CHM: variants seen among roughly 807,000 people sequenced by gnomAD.
The protein encoded by CHM is CHM Rab escort protein.
In CHM, 10 loss-of-function variants were observed where a neutral mutation model predicts 49.0. The ratio of observed to expected loss-of-function variants is 0.20; its 90% CI spans 0.13 to 0.35. The LOEUF (loss-of-function observed/expected upper bound fraction) is 0.35, where lower values mean the gene tolerates loss of function less well. Ranked by LOEUF, CHM falls within the 10% of genes least tolerant of loss-of-function variation. The pLI is 1.00. For synonymous variants in CHM, 184 were observed against 167.5 expected, an observed-to-expected ratio of 1.10 and a Z score of -0.76; for missense variants, 455 against 478.4, an observed-to-expected ratio of 0.95 and a Z score of 0.46.
intron 2 of CHM, among the ~76,000 whole-genome samples, chrX:86,023,039 T>A (rs1245456500): frequency 9.0e-6 from 1 of 111,128 alleles, no homozygotes; most frequent in Admixed American, 9.7e-5. Context: ...TTATTCATTC[T>A]GATTGCCAAT....
At chrX:85,983,074 A>T (rs1279650590) in intron 2 of CHM, among the ~76,000 whole-genome samples, 1 of 111,629 alleles carries the variant, frequency 9.0e-6, no homozygotes, top group Non-Finnish European at 1.9e-5. Context: ...TCAACTGTCA[A>T]CACAGGTCTG....
chrX:86,019,337 T>C (rs1330561726), intron 2 of CHM, among the ~76,000 whole-genome samples: 3 of 111,730 alleles, frequency 2.7e-5, no homozygotes, highest in Admixed American at 1.9e-4. Flanking sequence ...CATATAGTCA[T>C]AAATGATTAT....
intron 2 of CHM, among the ~76,000 whole-genome samples, chrX:85,990,624 T>C (rs182005030): frequency 3.3e-4 from 37 of 111,319 alleles, no homozygotes; most frequent in African/African-American, 1.1e-3. Flanking sequence ...AAGAAGATAA[T>C]AGAAAAAAAT....
intron 2 of CHM, chrX:86,027,032 T>A (rs1356826939): frequency 8.6e-6 from 1 of 116,500 alleles, no homozygotes; most frequent in African/African-American, 3.2e-5. Context: ...TTTTCCTAGT[T>A]AAGACTTCCT....
At chrX:85,920,790 T>C (rs1927749699) in intron 8 of CHM, among the ~76,000 whole-genome samples, 1 of 111,993 alleles carries the variant, frequency 8.9e-6, no homozygotes, top group Non-Finnish European at 1.9e-5. Context: ...TTAACCATCA[T>C]ACCAACCTGC....
chrX:85,917,192 A>C (rs1018172574), intron 8 of CHM, among the ~76,000 whole-genome samples: 1 of 111,681 alleles, frequency 9.0e-6, no homozygotes, highest in Admixed American at 9.5e-5. Context: ...CTAACACAGG[A>C]ACAGAAAACC....
chrX:86,018,906 G>GAT (rs1365488876), intron 2 of CHM, among the ~76,000 whole-genome samples: 1 of 112,130 alleles, frequency 8.9e-6, no homozygotes, highest in African/African-American at 3.2e-5. Flanking sequence ...GAGGGAGGTA[G>GAT]ATACAGTTAT....
At position 85,956,302 on chromosome X, in the gene CHM, A is replaced by G; in HGVS notation, c.1017T>C (p.His339=). 1 of 1,211,520 alleles carries G rather than the reference A, an allele frequency of 8.3e-7. No homozygotes were observed. Among genetic ancestry groups the G allele is most frequent in the Non-Finnish European group, 1.1e-6 (1 of 895,258 alleles). ...CTGTCTCTGATGTCATTGCAATTGAATGCATGACAATATATTGGAGGTTGG... is the reference window on the plus strand; with the variant it reads ...CTGTCTCTGATGTCATTGCAATTGAGTGCATGACAATATATTGGAGGTTGG... ...LTPNLQYIVM[H]SIAMTSETAS... The change falls in exon 8 of 15, where the codon CAT becomes CAC. Residue 339 remains histidine, a synonymous_variant. Coordinates refer to ENST00000357749, the MANE Select transcript of CHM (RefSeq NM_000390.4).
intron 8 of CHM, among the ~76,000 whole-genome samples, chrX:85,939,785 G>C (rs889614597): frequency 1.7e-4 from 19 of 112,119 alleles, no homozygotes; most frequent in African/African-American, 5.8e-4. Context: ...TTGGCACCTT[G>C]CTAAATAACC....
intron 11 of CHM, 112 bp from the exon 12 acceptor site, chrX:85,894,396 T>TG: frequency 1.9e-6 from 1 of 539,562 alleles, no homozygotes; most frequent in Non-Finnish European, 3.2e-6. Flanking sequence ...ACATCATGTC[T>TG]GAAAAAAATA....
intron 5 of CHM, among the ~76,000 whole-genome samples, chrX:85,961,595 C>T (rs1411089661): frequency 2.0e-5 from 2 of 102,322 alleles, no homozygotes; most frequent in African/African-American, 7.2e-5. Flanking sequence ...CTAGCATGCA[C>T]TGAATATGTA....
rs386833676 is a variant in CHM, at chrX:85,878,962, T to TA, written c.1609+2dup. The stretch of plus-strand genomic sequence containing the variant: ...ATCATGAGTTATCAATTATTTTTCT[T>TA]ACCTATCTCCATTTCAGTATATGGA... On this transcript the variant is annotated splice_region_variant and intron_variant, in intron 13 of 14. Coordinates refer to ENST00000357749, the MANE Select transcript of CHM (RefSeq NM_000390.4). 1.8e-6 allele frequency: 2 copies of TA among 1,131,003 alleles called. No individual in the cohort carries two copies. The allele number at this position is 1,131,003 out of a possible 1,213,427, so 93.2% of individuals were successfully genotyped here.
rs762266365 is a variant in CHM at position 85,913,332 on chromosome X, A to AAAAAAAAG, written c.1167-1995_1167-1994insCTTTTTTT. 2.6e-4 allele frequency among the ~76,000 whole-genome samples: 6 copies of AAAAAAAAG among 23,408 alleles called. 1 individual carries two copies. The highest frequency in any genetic ancestry group is 1.6e-3 in the Admixed American group (2 of 1,245). The allele number at this position is 23,408 out of a possible 115,157, so 20.3% of individuals were successfully genotyped here. A position where few individuals can be genotyped will look rare whatever the true frequency, so the allele number is the denominator to read the frequency against. On this transcript the variant is annotated intron_variant, in intron 8 of 14. Coordinates refer to ENST00000357749, the MANE Select transcript of CHM (RefSeq NM_000390.4). ...CTCTGTCAAAAAAAAAAAAAAAAAAAAAAGAAAGAAAGAAAGAAAGAAAGA... is the reference window on the plus strand; with the variant it reads ...CTCTGTCAAAAAAAAAAAAAAAAAAAAAAAAAAGAAAGAAAGAAAGAAAGAAAGAAAGA...
Position 85,864,182 on chromosome X carries a change from T to C in CHM, c.*448A>G. ...CATGATACTTTAGTTTTTCTATATG[T>C]TTTTATCATTATGTTATGATGCTCT... On this transcript the variant is annotated 3_prime_UTR_variant, in exon 15 of 15. Coordinates refer to ENST00000357749, the MANE Select transcript of CHM (RefSeq NM_000390.4). The C allele has an allele frequency of 7.0e-6, 1 of 142,077 alleles. No homozygotes were observed. The highest frequency in any genetic ancestry group is 1.4e-5 in the Non-Finnish European group (1 of 71,321). 11.7% of individuals were successfully genotyped at this position (142,077 alleles called of 1,213,427 possible).
At chrX:85,943,448 C>A (rs907880502) in intron 8 of CHM, among the ~76,000 whole-genome samples, 1 of 111,363 alleles carries the variant, frequency 9.0e-6, no homozygotes, top group Non-Finnish European at 1.9e-5. Flanking sequence ...GCTTGTTTTT[C>A]CTTTTACCTT....
intron 2 of CHM, among the ~76,000 whole-genome samples, chrX:85,984,380 A>T (rs1931797187): frequency 9.0e-6 from 1 of 111,135 alleles, no homozygotes; most frequent in African/African-American, 3.3e-5. Flanking sequence ...ATCATTAGGT[A>T]AGTGCATATT....
At chrX:85,877,462 A>G (rs1203794586) in intron 13 of CHM, among the ~76,000 whole-genome samples, 1 of 111,672 alleles carries the variant, frequency 9.0e-6, no homozygotes, top group Admixed American at 9.6e-5. Context: ...ATGGAGAAGG[A>G]AGAGGGAAAA....
Position 85,878,899 on chromosome X carries a change from T to G in CHM, c.1609+66A>C, listed in dbSNP as rs565063907. Reference sequence around the variant, plus strand: ...GTTCAGGTTGCAGAAACTTTCATGATATATCTAAGAAGATTATGATGGTTA... The same window carrying G: ...GTTCAGGTTGCAGAAACTTTCATGAGATATCTAAGAAGATTATGATGGTTA... On this transcript the variant is annotated intron_variant, in intron 13 of 14. Transcript: ENST00000357749. 4 of 801,221 alleles carry G rather than the reference T, an allele frequency of 5.0e-6. No individual in the cohort carries two copies. The African/African-American group carries it at 6.1e-5, about 12-fold the overall frequency. 66.0% of individuals were successfully genotyped at this position (801,221 alleles called of 1,213,427 possible).
chrX:85,953,412 T>TA (rs923262583), intron 8 of CHM, among the ~76,000 whole-genome samples: 10 of 110,754 alleles, frequency 9.0e-5, no homozygotes, highest in East Asian at 2.9e-4. Flanking sequence ...TTCAGAGAAA[T>TA]AAAAAAAATC....
Sources: allele counts gnomAD v4.1 joint callset (sites outside exome capture counted in the v4.1 genomes callset), GRCh38; gene constraint gnomAD v4.1.1; transcripts MANE v1.5; gene names NCBI Gene and HGNC (gene_info 2026-07-23, HGNC 2026-07-21).